The following GLP2R variants were observed in gnomAD, a reference collection of about 807,000 sequenced individuals.
The protein encoded by GLP2R is glucagon like peptide 2 receptor.
A neutral mutation model predicts 68.2 loss-of-function variants in GLP2R; 59 were observed. That is an observed-to-expected ratio of 0.87 (90% CI 0.70 to 1.07). The LOEUF (loss-of-function observed/expected upper bound fraction) is 1.07. GLP2R is among the 50% of genes least tolerant of loss of function. The pLI, the probability that GLP2R is intolerant of heterozygous loss-of-function variation, is 0.00. For missense variants in GLP2R, 548 were observed against 677.4 expected (o/e 0.81, Z 2.12); for synonymous variants, 270 against 265.4 (o/e 1.02, Z -0.17).
chr17:9,837,774 A>G (rs982401908), intron 3 of GLP2R, among the ~76,000 whole-genome samples: 5 of 152,204 alleles, frequency 3.3e-5, no homozygotes, highest in Non-Finnish European at 7.3e-5. Flanking sequence ...CTTTTACCAC[A>G]GACCACCAGC....
At chr17:9,852,728 G>T in intron 4 of GLP2R, 1 of 248,094 alleles carries the variant, frequency 4.0e-6, no homozygotes, top group Non-Finnish European at 7.9e-6. Context: ...GTGCATTTTT[G>T]CCTGGAGTGT....
At position 9,859,922 on chromosome 17, in the gene GLP2R, A is replaced by G. The variant is rs1279035310; in HGVS notation, c.766-20A>G. ...TGCAGGGGAGCCTGGACTCACCCTC[A>G]GGTGTTTTTTCCTCTGCAGATGTCC... On this transcript the variant is annotated intron_variant, in intron 6 of 12. Coordinates refer to ENST00000262441, the MANE Select transcript of GLP2R (RefSeq NM_004246.3). 6.4e-7 allele frequency: 1 copy of G among 1,552,752 alleles called. No individual in the cohort carries two copies.
At chr17:9,879,006 A>T (rs1230343046) in intron 10 of GLP2R, among the ~76,000 whole-genome samples, 1 of 152,126 alleles carries the variant, frequency 6.6e-6, no homozygotes, top group African/African-American at 2.4e-5. Context: ...TCGTACCCCG[A>T]ATATGAGTCA....
intron 6 of GLP2R, 110 bp from the exon 7 acceptor site, chr17:9,859,832 A>G (rs2066970180): frequency 1.7e-6 from 1 of 576,616 alleles, no homozygotes; most frequent in African/African-American, 2.0e-5. Context: ...AAAAAAAAAA[A>G]AAAAAAAAAA....
chr17:9,829,902 G>A (rs2066665328), intron 1 of GLP2R, among the ~76,000 whole-genome samples: 1 of 152,212 alleles, frequency 6.6e-6, no homozygotes, highest in African/African-American at 2.4e-5. Flanking sequence ...GTCAGTATAA[G>A]GATTTTTCTT....
chr17:9,850,730 C>T, intron 4 of GLP2R, among the ~76,000 whole-genome samples: 1 of 140,682 alleles, frequency 7.1e-6, no homozygotes, highest in South Asian at 2.2e-4. Flanking sequence ...CTCTCTCTCT[C>T]TCACCCAGGC....
At chr17:9,856,184 C>T (rs2066932222) in intron 5 of GLP2R, among the ~76,000 whole-genome samples, 1 of 152,182 alleles carries the variant, frequency 6.6e-6, no homozygotes, top group Admixed American at 6.5e-5. Context: ...CACTGATTAT[C>T]TGTGACCTCC....
intron 4 of GLP2R, among the ~76,000 whole-genome samples, chr17:9,847,899 C>T (rs1425842291): frequency 2.6e-5 from 4 of 152,132 alleles, no homozygotes; most frequent in African/African-American, 9.7e-5. Flanking sequence ...AGTATGATCC[C>T]AGTGCTTTGG....
intron 5 of GLP2R, 76 bp downstream of exon 5, chr17:9,854,677 G>C: frequency 1.1e-6 from 1 of 870,540 alleles, no homozygotes; most frequent in Non-Finnish European, 2.0e-6. Flanking sequence ...TATGTTCTAA[G>C]AGTTCCAGTA....
intron 2 of GLP2R, among the ~76,000 whole-genome samples, chr17:9,836,039 C>CAAAAAAAA (rs10706067): frequency 3.8e-4 from 33 of 87,082 alleles, no homozygotes; most frequent in Admixed American, 7.7e-4. Flanking sequence ...ACTCCATCTC[C>CAAAAAAAA]AAAAAAAAAA....
intron 10 of GLP2R, among the ~76,000 whole-genome samples, chr17:9,875,300 C>A (rs74706495): frequency 6.6e-6 from 1 of 152,124 alleles, no homozygotes; most frequent in East Asian, 1.9e-4. Context: ...TCTTCCATGT[C>A]GGAAAGTTGT....
At chr17:9,872,523 G>T (rs1445547658) in intron 10 of GLP2R, among the ~76,000 whole-genome samples, 1 of 152,214 alleles carries the variant, frequency 6.6e-6, no homozygotes, top group African/African-American at 2.4e-5. Flanking sequence ...GTTGCAGTAA[G>T]CCGAGATCGT....
Position 9,859,805 on chromosome 17 carries a change from G to A in GLP2R, c.766-137G>A, listed in dbSNP as rs117279183. ...CTCTGCACTCCATCCTGGCAACAGA[G>A]TGAGATTCTGTCTCAAAAAAAAAAA... On this transcript the variant is annotated intron_variant, in intron 6 of 12. Transcript: ENST00000262441. The A allele has an allele frequency of 3.3e-3, 1,965 of 588,262 alleles. 66 individuals are homozygous for A. The East Asian group carries it at 0.039, about 12-fold the overall frequency. The allele number at this position is 588,262 out of a possible 1,614,324, so 36.4% of individuals were successfully genotyped here. A position where few individuals can be genotyped will look rare whatever the true frequency, so the allele number is the denominator to read the frequency against.
chr17:9,850,885 G>T (rs1038356667), intron 4 of GLP2R, among the ~76,000 whole-genome samples: 2 of 151,860 alleles, frequency 1.3e-5, no homozygotes, highest in African/African-American at 4.8e-5. Flanking sequence ...GTAGAGATGG[G>T]GTTTGCCATG....
At chr17:9,861,328 T>C (rs2066985749) in intron 8 of GLP2R, 129 bp downstream of exon 8, 1 of 664,076 alleles carries the variant, frequency 1.5e-6, no homozygotes, top group African/African-American at 1.8e-5. Flanking sequence ...TAGAATATTC[T>C]TAGGAATGGG....
At chr17:9,842,074 C>A (rs904366643) in intron 3 of GLP2R, among the ~76,000 whole-genome samples, 5 of 147,460 alleles carry the variant, frequency 3.4e-5, no homozygotes, top group Non-Finnish European at 7.4e-5. Context: ...CACACTCATG[C>A]ATGGATGGCG....
In GLP2R at chr17:9,854,522, T is replaced by C; in HGVS notation, c.532T>C (p.Leu178=). Residue 178 remains leucine, a synonymous_variant, in exon 5 of 13, where the codon TTG becomes CTG. Transcript: ENST00000262441. ...NVDRYALLST[L]QLMYTVGYSF... is the part of the protein sequence containing the mutation. ...GGATCGTTATGCCTTGCTGTCAACC[T>C]TGCAGCTGATGTACACCGTGGGATA... 6.2e-7 allele frequency: 1 copy of C among 1,611,440 alleles called. No individual in the cohort carries two copies.
chr17:9,888,206 C>T (rs557978817), intron 12 of GLP2R, among the ~76,000 whole-genome samples: 1 of 152,294 alleles, frequency 6.6e-6, no homozygotes, highest in Admixed American at 6.5e-5. Context: ...AGCACTGGCT[C>T]TGCTGGAGAT....
intron 3 of GLP2R, among the ~76,000 whole-genome samples, chr17:9,840,596 A>G (rs2066777283): frequency 6.6e-6 from 1 of 152,250 alleles, no homozygotes. Flanking sequence ...ACAATTATCA[A>G]TAAGCATCAT....
Sources: allele counts gnomAD v4.1 joint callset (sites outside exome capture counted in the v4.1 genomes callset), GRCh38; gene constraint gnomAD v4.1.1; transcripts MANE v1.5; gene names NCBI Gene and HGNC (gene_info 2026-07-23, HGNC 2026-07-21).